Variants in COP1 observed in about 807,000 individuals in gnomAD.
COP1 encodes the protein E3 ubiquitin-protein ligase COP1.
COP1 carries 24 observed loss-of-function variants against 101.3 expected under a neutral mutation model. That is an observed-to-expected ratio of 0.24 (90% CI 0.17 to 0.33). The LOEUF (loss-of-function observed/expected upper bound fraction) is 0.33. Ranked by LOEUF, COP1 falls within the 10% of genes least tolerant of loss-of-function variation. The pLI, the probability that COP1 is intolerant of heterozygous loss-of-function variation, is 1.00. For synonymous variants in COP1, 347 were observed against 341.9 expected (o/e 1.01, Z -0.17); for missense variants, 663 against 906.2 (o/e 0.73, Z 3.45).
chr1:176,159,629 A>T (rs1361300369), intron 5 of COP1, among the ~76,000 whole-genome samples: 5 of 152,242 alleles, frequency 3.3e-5, no homozygotes, highest in Non-Finnish European at 1.5e-5. Flanking sequence ...TTTAAAATAA[A>T]TAAACCAAAT....
At chr1:176,155,286 AG>A (rs1693277151) in intron 5 of COP1, among the ~76,000 whole-genome samples, 1 of 152,088 alleles carries the variant, frequency 6.6e-6, no homozygotes, top group South Asian at 2.1e-4. Context: ...ATAAAACCAA[AG>A]GGGTCAGTCT....
intron 3 of COP1, among the ~76,000 whole-genome samples, chr1:176,171,914 A>G (rs1490653382): frequency 6.6e-6 from 1 of 152,220 alleles, no homozygotes; most frequent in Non-Finnish European, 1.5e-5. Flanking sequence ...GCTTACTTAT[A>G]TATTTTTAAA....
At chr1:176,053,349 C>T (rs1672901130) in intron 11 of COP1, among the ~76,000 whole-genome samples, 1 of 152,138 alleles carries the variant, frequency 6.6e-6, no homozygotes, top group African/African-American at 2.4e-5. Context: ...AACCTCCCAG[C>T]TCAAAATCTC....
chr1:176,032,898 A>C (rs559690806), intron 14 of COP1, among the ~76,000 whole-genome samples: 1 of 152,130 alleles, frequency 6.6e-6, no homozygotes, highest in Non-Finnish European at 1.5e-5. Context: ...TAAATTCAGG[A>C]GAGAATATAC....
intron 2 of COP1, among the ~76,000 whole-genome samples, chr1:176,181,893 A>T (rs1697830835): frequency 6.6e-6 from 1 of 152,058 alleles, no homozygotes; most frequent in Non-Finnish European, 1.5e-5. Flanking sequence ...TCATCAGGGT[A>T]TAACATAAAA....
At chr1:176,106,242 G>A (rs1684281245) in intron 9 of COP1, among the ~76,000 whole-genome samples, 1 of 152,086 alleles carries the variant, frequency 6.6e-6, no homozygotes, top group Non-Finnish European at 1.5e-5. Context: ...TGTCGGCCAG[G>A]CTGGTCTTGA....
chr1:176,174,970 T>C (rs543371005), intron 3 of COP1, among the ~76,000 whole-genome samples: 2 of 152,332 alleles, frequency 1.3e-5, no homozygotes, highest in South Asian at 4.1e-4. Flanking sequence ...TGACTAGTTA[T>C]TATTTCCGAT....
chr1:176,173,991 A>AG, intron 3 of COP1, among the ~76,000 whole-genome samples: 1 of 143,814 alleles, frequency 7.0e-6, no homozygotes, highest in African/African-American at 2.6e-5. Context: ...TGTCTCAAAA[A>AG]AAAAAAAAAA....
chr1:175,959,022 T>C (rs1293504581), intron 18 of COP1, among the ~76,000 whole-genome samples: 2 of 151,938 alleles, frequency 1.3e-5, no homozygotes, highest in African/African-American at 4.8e-5. Flanking sequence ...AGGAAAAGAT[T>C]ATAGGCCAAT....
chr1:176,191,901 A>G (rs1476295524), intron 1 of COP1, among the ~76,000 whole-genome samples: 1 of 152,180 alleles, frequency 6.6e-6, no homozygotes, highest in Non-Finnish European at 1.5e-5. Context: ...GGAAGAAAAG[A>G]ATAGCATAGC....
At chr1:176,048,195 C>T (rs946411021) in intron 11 of COP1, among the ~76,000 whole-genome samples, 45 of 126,580 alleles carry the variant, frequency 3.6e-4, no homozygotes, top group East Asian at 1.8e-3. Flanking sequence ...AATTAAAATT[C>T]TTTTTTTTTT....
chr1:176,122,713 C>T (rs188853644), intron 8 of COP1, among the ~76,000 whole-genome samples: 58 of 152,226 alleles, frequency 3.8e-4, no homozygotes, highest in African/African-American at 1.1e-3. Flanking sequence ...ATACTTATAC[C>T]GCCTTTTAAA....
At chr1:176,068,532 A>G (rs537367533) in intron 11 of COP1, among the ~76,000 whole-genome samples, 2 of 152,248 alleles carry the variant, frequency 1.3e-5, no homozygotes, top group African/African-American at 2.4e-5. Flanking sequence ...ACAACATGCC[A>G]TATAAAACAC....
chr1:175,972,533 C>T (rs976383390), intron 18 of COP1, among the ~76,000 whole-genome samples: 1 of 143,328 alleles, frequency 7.0e-6, no homozygotes, highest in African/African-American at 2.6e-5. Context: ...GGTGTGATCT[C>T]GGCTCACTGC....
At chr1:175,987,587 G>T (rs1161828777) in intron 17 of COP1, among the ~76,000 whole-genome samples, 1 of 152,078 alleles carries the variant, frequency 6.6e-6, no homozygotes, top group African/African-American at 2.4e-5. Flanking sequence ...CTCAGTATAG[G>T]AATTATTCTA....
At chr1:176,202,934 TAAG>T (rs1271229877) in intron 1 of COP1, among the ~76,000 whole-genome samples, 1 of 152,092 alleles carries the variant, frequency 6.6e-6, no homozygotes, top group Non-Finnish European at 1.5e-5. Flanking sequence ...ATGAGCTCCT[TAAG>T]AAGAGAGAAT....
At chr1:176,123,843 T>G (rs1285861984) in intron 8 of COP1, among the ~76,000 whole-genome samples, 1 of 152,194 alleles carries the variant, frequency 6.6e-6, no homozygotes, top group East Asian at 1.9e-4. Flanking sequence ...TTCAAAAACA[T>G]GTCAGTAACA....
rs1394702387 is a variant in COP1 at position 176,206,989 on chromosome 1, T to C, written c.-11A>G. On this transcript the variant is annotated 5_prime_UTR_variant, in exon 1 of 20. Transcript: ENST00000367669. ...GCGGCTACCAGACATCGTGACTCCC[T>C]CCCCTCCAGCCGGGCGCTCGGAGGA... The C allele has an allele frequency of 2.9e-6, 4 of 1,366,682 alleles. No individual in the cohort carries two copies. The highest frequency in any genetic ancestry group is 1.9e-6 in the Non-Finnish European group (2 of 1,063,336). The allele number at this position is 1,366,682 out of a possible 1,614,324, so 84.7% of individuals were successfully genotyped here. A position where few individuals can be genotyped will look rare whatever the true frequency, so the allele number is the denominator to read the frequency against.
At chr1:176,189,041 T>C (rs964017993) in intron 1 of COP1, among the ~76,000 whole-genome samples, 4 of 152,026 alleles carry the variant, frequency 2.6e-5, no homozygotes, top group South Asian at 2.1e-4. Flanking sequence ...AACCCCTAAA[T>C]AGGGATTTCA....
Sources: gnomAD v4.1 joint callset for allele counts (sites outside exome capture counted in the v4.1 genomes callset) on GRCh38, gnomAD v4.1.1 for gene constraint, MANE v1.5 for transcripts, NCBI Gene and HGNC (gene_info 2026-07-23, HGNC 2026-07-21) for gene names.